The following MYO6 variants were observed in gnomAD, a reference collection of about 807,000 sequenced individuals.
The protein encoded by MYO6 is myosin VI, also known as unconventional myosin-VI.
In MYO6, 74 loss-of-function variants were observed where a neutral mutation model predicts 178.7. That is an observed-to-expected ratio of 0.41 (90% CI 0.34 to 0.50). The LOEUF is 0.50. Ranked by LOEUF, MYO6 falls within the 20% of genes least tolerant of loss-of-function variation. The probability of loss-of-function intolerance (pLI) is 0.09; values close to 1 mark genes in which losing one functional copy is unlikely to be tolerated. For synonymous variants in MYO6, 477 were observed against 504.6 expected (o/e 0.95, Z 0.73); for missense variants, 1,330 against 1,547.4 (o/e 0.86, Z 2.36).
chr6:75,811,814 G>T (rs145040883), intron 1 of MYO6, among the ~76,000 whole-genome samples: 6 of 152,244 alleles, frequency 3.9e-5, no homozygotes, highest in African/African-American at 1.4e-4. Context: ...AGGGGGAGGG[G>T]TATGCCTAGT....
chr6:75,749,251 G>C lies in MYO6; in HGVS notation c.-220G>C, dbSNP rs1268210636. 7.9e-5 allele frequency: 12 copies of C among 151,274 alleles called. No individual in the cohort carries two copies. Among genetic ancestry groups the C allele is most frequent in the African/African-American group, 2.9e-4 (12 of 41,366 alleles). The allele number at this position is 151,274 out of a possible 1,614,324, so 9.4% of individuals were successfully genotyped here. ...CCGGCCGGCGGGCGGAGACCGACTC[G>C]GGATCTGTCCGAGCAGGAAGCCAGC... is the stretch of plus-strand genomic sequence containing the variant. On this transcript the variant is annotated 5_prime_UTR_variant, in exon 1 of 35. Coordinates refer to ENST00000369977, the MANE Select transcript of MYO6 (RefSeq NM_004999.4).
chr6:75,822,936 T>TA (rs1238606385), intron 3 of MYO6, 85 bp downstream of exon 3: 77 of 1,046,536 alleles, frequency 7.4e-5, no homozygotes, highest in Non-Finnish European at 1.0e-4. Flanking sequence ...ATATAACTGA[T>TA]ACACTGTGCG....
intron 32 of MYO6, 91 bp downstream of exon 32, chr6:75,908,718 T>C: frequency 2.1e-6 from 3 of 1,403,914 alleles, no homozygotes; most frequent in African/African-American, 1.4e-5. Context: ...ATGTCCCATA[T>C]AAATTTTCTC....
At chr6:75,766,022 C>A (rs148253191) in intron 1 of MYO6, among the ~76,000 whole-genome samples, 1 of 151,988 alleles carries the variant, frequency 6.6e-6, no homozygotes, top group Non-Finnish European at 1.5e-5. Context: ...AGTGAGACTC[C>A]GTCTCAAAGA....
At chr6:75,765,170 C>CTTTTTTTTTTTT (rs71002762) in intron 1 of MYO6, among the ~76,000 whole-genome samples, 1 of 57,684 alleles carries the variant, frequency 1.7e-5, no homozygotes. Flanking sequence ...AAAAAAAAAG[C>CTTTTTTTTTTTT]TTTTTTTTTT....
chr6:75,860,177 A>T (rs188452619), intron 14 of MYO6, among the ~76,000 whole-genome samples: 80 of 152,218 alleles, frequency 5.3e-4, no homozygotes, highest in Middle Eastern at 3.4e-3. Flanking sequence ...TCCTATTTCC[A>T]TCCTTTCTAT....
At chr6:75,902,072 A>T (rs1442707887) in intron 30 of MYO6, among the ~76,000 whole-genome samples, 1 of 152,198 alleles carries the variant, frequency 6.6e-6, no homozygotes, top group African/African-American at 2.4e-5. Flanking sequence ...CCAGGGATGA[A>T]GCCCACTTGA....
At chr6:75,862,958 C>A (rs1776327380) in intron 16 of MYO6, among the ~76,000 whole-genome samples, 1 of 152,056 alleles carries the variant, frequency 6.6e-6, no homozygotes, top group African/African-American at 2.4e-5. Context: ...CTAATACGTA[C>A]AATGTGCCTG....
chr6:75,887,241 G>A lies in MYO6; in HGVS notation c.2658+247G>A, dbSNP rs549001224. On this transcript the variant is annotated intron_variant, in intron 25 of 34. Coordinates refer to ENST00000369977, the MANE Select transcript of MYO6 (RefSeq NM_004999.4). Reference sequence around the variant, plus strand: ...TCTGTTGCTAAGAAAGATATCCCTCGCAACTTAATACCTAGGTGATGGGAT... The same window carrying A: ...TCTGTTGCTAAGAAAGATATCCCTCACAACTTAATACCTAGGTGATGGGAT... Among the ~76,000 whole-genome samples, 32 of 152,116 alleles carry A rather than the reference G, an allele frequency of 2.1e-4. No homozygotes were observed. The South Asian group carries it at 3.9e-3, about 19-fold the overall frequency.
intron 6 of MYO6, 82 bp downstream of exon 6, chr6:75,833,029 C>A: frequency 1.0e-6 from 1 of 969,198 alleles, no homozygotes; most frequent in Non-Finnish European, 1.7e-6. Context: ...CTGTGTCACC[C>A]AGGGTGGAAT....
intron 29 of MYO6, among the ~76,000 whole-genome samples, chr6:75,896,605 A>G (rs1482069036): frequency 6.6e-6 from 1 of 152,246 alleles, no homozygotes; most frequent in Admixed American, 6.5e-5. Context: ...CTTTGTTTAC[A>G]TGTAAAATAT....
At chr6:75,825,860 A>G (rs140467080) in intron 3 of MYO6, among the ~76,000 whole-genome samples, 117 of 152,230 alleles carry the variant, frequency 7.7e-4, no homozygotes, top group African/African-American at 2.5e-3. Context: ...TATATGTTAT[A>G]TATTTATTTA....
chr6:75,841,355 T>C lies in MYO6; in HGVS notation c.793T>C (p.Leu265=), dbSNP rs1467965777. 6 of 1,613,738 alleles carry C rather than the reference T, an allele frequency of 3.7e-6. No individual in the cohort carries two copies. Among genetic ancestry groups the C allele is most frequent in the Admixed American group, 1.7e-5 (1 of 60,016 alleles). Residue 265 remains leucine, a synonymous_variant, in exon 9 of 35, where the codon TTG becomes CTG. Transcript: ENST00000369977. The part of the protein sequence containing the change: ...ASEDIREKLH[L]SSPDNFRYLN... Reference sequence around the variant, plus strand: ...TGAAGATATTAGAGAAAAACTTCATTTGAGTTCACCAGATAATTTTCGGGT... The same window carrying C: ...TGAAGATATTAGAGAAAAACTTCATCTGAGTTCACCAGATAATTTTCGGGT...
intron 1 of MYO6, among the ~76,000 whole-genome samples, chr6:75,795,634 T>C (rs956527678): frequency 6.6e-6 from 1 of 152,248 alleles, no homozygotes; most frequent in African/African-American, 2.4e-5. Context: ...GTTTGATTTA[T>C]TGGCTACTTA....
intron 9 of MYO6, among the ~76,000 whole-genome samples, chr6:75,842,563 A>T (rs550945225): frequency 7.7e-4 from 117 of 152,318 alleles, no homozygotes; most frequent in Admixed American, 1.9e-3. Context: ...CTGTTGTCTT[A>T]AAACACTTTA....
rs1459816924 is a variant in MYO6, at chr6:75,919,085, C to G, written c.*4073C>G. 6.6e-6 allele frequency: 1 copy of G among 152,130 alleles called. No individual in the cohort carries two copies. Among genetic ancestry groups the G allele is most frequent in the Admixed American group, 6.6e-5 (1 of 15,248 alleles). 9.4% of individuals were successfully genotyped at this position (152,130 alleles called of 1,614,324 possible). A position where few individuals can be genotyped will look rare whatever the true frequency, so the allele number is the denominator to read the frequency against. ...AGGGAGCCGAGATGGCGCCATTGCA[C>G]TCCATCCTGGGCAACAAGAGCGAAA... On this transcript the variant is annotated 3_prime_UTR_variant, in exon 35 of 35. Transcript: ENST00000369977.
At chr6:75,888,007 T>C (rs1778597453) in intron 25 of MYO6, among the ~76,000 whole-genome samples, 1 of 150,420 alleles carries the variant, frequency 6.6e-6, no homozygotes, top group Non-Finnish European at 1.5e-5. Flanking sequence ...AAAATAAAAG[T>C]GGTGGGGCAT....
At chr6:75,808,993 T>G (rs555207336) in intron 1 of MYO6, among the ~76,000 whole-genome samples, 1 of 152,278 alleles carries the variant, frequency 6.6e-6, no homozygotes, top group East Asian at 1.9e-4. Flanking sequence ...GGAAATAATC[T>G]TATGCCCTAG....
intron 30 of MYO6, among the ~76,000 whole-genome samples, chr6:75,907,246 AT>A (rs2149414032): frequency 6.6e-6 from 1 of 152,250 alleles, no homozygotes; most frequent in South Asian, 2.1e-4. Flanking sequence ...TGTGTTGAGG[AT>A]TTCTTTCTTG....
Sources: gnomAD v4.1 joint callset for allele counts (sites outside exome capture counted in the v4.1 genomes callset) on GRCh38, gnomAD v4.1.1 for gene constraint, MANE v1.5 for transcripts, NCBI Gene and HGNC (gene_info 2026-07-23, HGNC 2026-07-21) for gene names.